The following PDSS2 variants were observed in gnomAD, a reference collection of about 807,000 sequenced individuals.
The protein encoded by PDSS2 is decaprenyl diphosphate synthase subunit 2, also known as all trans-polyprenyl-diphosphate synthase PDSS2.
PDSS2 carries 31 observed loss-of-function variants against 44.5 expected under a neutral mutation model. The ratio of observed to expected loss-of-function variants is 0.70; its 90% CI spans 0.52 to 0.94. The LOEUF (loss-of-function observed/expected upper bound fraction) is 0.94. Ranked by LOEUF, PDSS2 falls within the 40% of genes least tolerant of loss-of-function variation. The pLI is 0.00. For synonymous variants in PDSS2, 157 were observed against 180.3 expected (o/e 0.87, Z 1.03); for missense variants, 452 against 482.2 (o/e 0.94, Z 0.59).
chr6:107,240,562 CT>C (rs759938091), intron 4 of PDSS2, among the ~76,000 whole-genome samples: 1 of 151,930 alleles, frequency 6.6e-6, no homozygotes, highest in Non-Finnish European at 1.5e-5. Flanking sequence ...CCAAGCCCAG[CT>C]TTTTTTGTAT....
chr6:107,377,063 C>T (rs1446592457), intron 1 of PDSS2, among the ~76,000 whole-genome samples: 1 of 149,388 alleles, frequency 6.7e-6, no homozygotes, highest in East Asian at 2.0e-4. Flanking sequence ...TAAAGAGCTT[C>T]TGCACAGCAA....
intron 1 of PDSS2, among the ~76,000 whole-genome samples, chr6:107,422,208 C>A (rs1340089111): frequency 1.3e-5 from 2 of 150,888 alleles, no homozygotes; most frequent in Non-Finnish European, 3.0e-5. Flanking sequence ...GGCAACTCAA[C>A]AAAGAAATAA....
chr6:107,316,947 T>A (rs1230629803), intron 2 of PDSS2, among the ~76,000 whole-genome samples: 1 of 152,220 alleles, frequency 6.6e-6, no homozygotes, highest in Non-Finnish European at 1.5e-5. Context: ...AAGGTACAGA[T>A]AATCATAAGA....
chr6:107,403,267 T>C (rs922097505), intron 1 of PDSS2, among the ~76,000 whole-genome samples: 1 of 152,176 alleles, frequency 6.6e-6, no homozygotes, highest in African/African-American at 2.4e-5. Context: ...CTCCTTTGAC[T>C]CCATGTCTCA....
rs1341748445 is a variant in PDSS2, at chr6:107,380,047, T to C, written c.297-45715A>G. 2.0e-5 allele frequency among the ~76,000 whole-genome samples: 3 copies of C among 152,206 alleles called. No homozygotes were observed. In the East Asian group the frequency reaches 5.8e-4, roughly 29 times the overall value. ...TTGTGTTTTACTGTAAATAGACCTCTAATGTAAGGATTTACGTTTAACTGT... is the reference window on the plus strand; with the variant it reads ...TTGTGTTTTACTGTAAATAGACCTCCAATGTAAGGATTTACGTTTAACTGT... On this transcript the variant is annotated intron_variant, in intron 1 of 7. Coordinates refer to ENST00000369037, the MANE Select transcript of PDSS2 (RefSeq NM_020381.4).
intron 7 of PDSS2, among the ~76,000 whole-genome samples, chr6:107,161,543 A>G (rs1771134829): frequency 6.6e-6 from 1 of 152,024 alleles, no homozygotes; most frequent in South Asian, 2.1e-4. Context: ...ATTATAAATT[A>G]TTTTCAAAGT....
At chr6:107,429,901 A>AATATATATATAT (rs869061691) in intron 1 of PDSS2, among the ~76,000 whole-genome samples, 37 of 31,784 alleles carry the variant, frequency 1.2e-3, no homozygotes, top group South Asian at 0.01. Flanking sequence ...AAAAAAAAAA[A>AATATATATATAT]ATATATATAT....
At chr6:107,343,511 A>G (rs1778144716) in intron 1 of PDSS2, among the ~76,000 whole-genome samples, 1 of 152,208 alleles carries the variant, frequency 6.6e-6, no homozygotes, top group African/African-American at 2.4e-5. Context: ...TGTAAAATTA[A>G]ACAGGAATAG....
At chr6:107,332,818 C>T (rs1777754584) in intron 2 of PDSS2, among the ~76,000 whole-genome samples, 1 of 152,116 alleles carries the variant, frequency 6.6e-6, no homozygotes, top group South Asian at 2.1e-4. Flanking sequence ...TGCTTAGTAA[C>T]CTAAAAGCAC....
At chr6:107,253,950 G>T (rs544379325) in intron 3 of PDSS2, among the ~76,000 whole-genome samples, 2 of 152,080 alleles carry the variant, frequency 1.3e-5, no homozygotes, top group Non-Finnish European at 2.9e-5. Flanking sequence ...ATCACTTGAG[G>T]CCAGAAGTTT....
At chr6:107,387,630 A>T (rs1365386799) in intron 1 of PDSS2, among the ~76,000 whole-genome samples, 1 of 152,254 alleles carries the variant, frequency 6.6e-6, no homozygotes, top group Admixed American at 6.5e-5. Flanking sequence ...GAACATTAAA[A>T]TAATACTGAA....
At chr6:107,195,302 G>A (rs899896655) in intron 6 of PDSS2, among the ~76,000 whole-genome samples, 1 of 151,856 alleles carries the variant, frequency 6.6e-6, no homozygotes, top group African/African-American at 2.4e-5. Flanking sequence ...GCAACATAGT[G>A]AGACTCCATC....
At chr6:107,429,764 A>T (rs945583600) in intron 1 of PDSS2, among the ~76,000 whole-genome samples, 1 of 150,718 alleles carries the variant, frequency 6.6e-6, no homozygotes, top group Admixed American at 6.6e-5. Context: ...CATGCCTGTA[A>T]TCCCAGCTAC....
chr6:107,279,465 G>A (rs1452168016), intron 2 of PDSS2, among the ~76,000 whole-genome samples: 1 of 152,150 alleles, frequency 6.6e-6, no homozygotes, highest in African/African-American at 2.4e-5. Flanking sequence ...GAATTCACCA[G>A]GATGAAATCA....
At chr6:107,188,378 C>CAAAA (rs112224781) in intron 7 of PDSS2, among the ~76,000 whole-genome samples, 1 of 128,588 alleles carries the variant, frequency 7.8e-6, no homozygotes. Context: ...GACCCTGTCT[C>CAAAA]AAAAAAAAAA....
At chr6:107,221,645 C>T (rs1023131242) in intron 4 of PDSS2, among the ~76,000 whole-genome samples, 1 of 152,134 alleles carries the variant, frequency 6.6e-6, no homozygotes, top group African/African-American at 2.4e-5. Context: ...ATGATGCTTG[C>T]TTGAGATAGT....
chr6:107,402,565 A>G (rs1190822150), intron 1 of PDSS2, among the ~76,000 whole-genome samples: 1 of 93,434 alleles, frequency 1.1e-5, no homozygotes, highest in Admixed American at 1.2e-4. Context: ...AAATATATAT[A>G]CATGTGTATA....
intron 2 of PDSS2, among the ~76,000 whole-genome samples, chr6:107,276,875 T>C (rs952770221): frequency 1.3e-5 from 2 of 152,126 alleles, no homozygotes; most frequent in Non-Finnish European, 2.9e-5. Context: ...AAAGGCAACA[T>C]GGAGAAAGGT....
intron 1 of PDSS2, among the ~76,000 whole-genome samples, chr6:107,392,903 A>G (rs1009788132): frequency 6.6e-6 from 1 of 152,142 alleles, no homozygotes; most frequent in Non-Finnish European, 1.5e-5. Context: ...CTCATATCCA[A>G]TACAGTGTCC....
Sources: gnomAD v4.1 joint callset for allele counts (sites outside exome capture counted in the v4.1 genomes callset) on GRCh38, gnomAD v4.1.1 for gene constraint, MANE v1.5 for transcripts, NCBI Gene and HGNC (gene_info 2026-07-23, HGNC 2026-07-21) for gene names.